Variants in RNF14 observed in about 807,000 individuals in gnomAD.
RNF14 encodes ring finger protein 14.
In RNF14, 26 loss-of-function variants were observed where a neutral mutation model predicts 52.6. The ratio of observed to expected loss-of-function variants is 0.49; its 90% CI spans 0.36 to 0.69. RNF14 has a LOEUF of 0.69. RNF14 is among the 30% of genes least tolerant of loss of function. RNF14 has a pLI of 0.00. For synonymous variants in RNF14, 194 were observed against 202.0 expected, an observed-to-expected ratio of 0.96 and a Z score of 0.34; for missense variants, 404 against 560.4, an observed-to-expected ratio of 0.72 and a Z score of 2.82.
upstream of RNF14, among the ~76,000 whole-genome samples, chr5:141,968,149 C>T (rs1328007922): frequency 3.4e-5 from 5 of 148,522 alleles, no homozygotes; most frequent in Non-Finnish European, 1.5e-5. Context: ...GACGGAGTCT[C>T]GCTGTTACCT....
the RNF14 span, among the ~76,000 whole-genome samples, chr5:141,950,166 C>T: frequency 2.0e-5 from 3 of 152,128 alleles, no homozygotes; most frequent in Admixed American, 1.3e-4. Context: ...AGGGTGCAGC[C>T]GGAGTGAGGC....
intron 5 of RNF14, 87 bp from the exon 6 acceptor site, chr5:141,980,036 G>C (rs1754628020): frequency 1.4e-5 from 14 of 1,021,268 alleles, no homozygotes; most frequent in Middle Eastern, 2.1e-4. Context: ...GTGCCCATCT[G>C]GTTTACACTA....
chr5:141,983,469 C>T lies in RNF14; in HGVS notation c.1153C>T (p.Gln385Ter). 1 of 1,613,542 alleles carries T rather than the reference C, an allele frequency of 6.2e-7. No individual in the cohort carries two copies. Among genetic ancestry groups the T allele is most frequent in the Non-Finnish European group, 8.5e-7 (1 of 1,179,912 alleles). The change falls in exon 7 of 9, where the codon CAG becomes TAG. Residue 385 changes from glutamine (Q) to a stop codon, truncating the protein, a stop_gained. Transcript: ENST00000394520. LOFTEE classifies it high-confidence loss of function. The part of the protein sequence containing the change: ...LDQRYGKRVI[Q>*]KALEEMESKE... Reference sequence around the variant, plus strand: ...TCAAAGGTATGGTAAGAGAGTGATTCAGAAGGCACTGGAAGAGATGGAAAG... The same window carrying T: ...TCAAAGGTATGGTAAGAGAGTGATTTAGAAGGCACTGGAAGAGATGGAAAG...
At chr5:141,983,660 A>G in intron 7 of RNF14, 108 bp downstream of exon 7, 2 of 908,632 alleles carry the variant, frequency 2.2e-6, no homozygotes, top group Non-Finnish European at 3.2e-6. Context: ...ACATGCTGGT[A>G]TTATTACACC....
In RNF14 at chr5:141,987,965, C is replaced by G. The variant is rs1444159735; in HGVS notation, c.*175C>G. 5.2e-6 allele frequency: 3 copies of G among 579,502 alleles called. No homozygotes were observed. The highest frequency in any genetic ancestry group is 9.1e-6 in the Non-Finnish European group (3 of 329,012). The allele number at this position is 579,502 out of a possible 1,614,324, so 35.9% of individuals were successfully genotyped here. A position where few individuals can be genotyped will look rare whatever the true frequency, so the allele number is the denominator to read the frequency against. ...TACTACTGAAGAAGGTGCATTGATACATTTTTAAATGTAAGTTGAGAAAAA... is the reference window on the plus strand; with the variant it reads ...TACTACTGAAGAAGGTGCATTGATAGATTTTTAAATGTAAGTTGAGAAAAA... On this transcript the variant is annotated 3_prime_UTR_variant, in exon 9 of 9. Coordinates refer to ENST00000394520, the MANE Select transcript of RNF14 (RefSeq NM_004290.5).
chr5:141,972,909 G>A (rs1753914701), intron 2 of RNF14, among the ~76,000 whole-genome samples: 1 of 152,112 alleles, frequency 6.6e-6, no homozygotes, highest in African/African-American at 2.4e-5. Context: ...TAAGAAAGGA[G>A]TGTAATATAC....
chr5:141,951,862 T>C, the RNF14 span, among the ~76,000 whole-genome samples: 23 of 152,346 alleles, frequency 1.5e-4, no homozygotes, highest in Middle Eastern at 3.4e-3. Context: ...TTCCTCCGAG[T>C]GTCCTGCACC....
chr5:141,957,147 C>T (rs185425542), upstream of RNF14: 13 of 1,614,106 alleles, frequency 8.1e-6, no homozygotes, highest in Non-Finnish European at 9.3e-6. The surrounding 1 kb of genome is among the most constrained non-coding windows in gnomAD (Gnocchi z 4.3). Context: ...CATTGGAGTC[C>T]AAGACGTTGA....
intron 1 of RNF14, chr5:141,958,539 C>A (rs997127047): frequency 6.6e-6 from 1 of 152,466 alleles, no homozygotes; most frequent in Non-Finnish European, 1.5e-5. Context: ...CCTATCTTTT[C>A]CCCCATTGTT....
chr5:141,959,760 CA>C (rs1298219747), intron 1 of RNF14, among the ~76,000 whole-genome samples: 1 of 152,146 alleles, frequency 6.6e-6, no homozygotes, highest in African/African-American at 2.4e-5. Context: ...TAAACCATAG[CA>C]AGGGGCCTGA....
At chr5:141,954,865 T>G, upstream of RNF14, 8 of 1,402,310 alleles carry the variant, frequency 5.7e-6, no homozygotes, top group African/African-American at 1.4e-5. Flanking sequence ...AAGTGCCAGG[T>G]GAGCCTAAGG....
upstream of RNF14, among the ~76,000 whole-genome samples, chr5:141,964,253 C>G (rs1753298885): frequency 6.6e-6 from 1 of 152,188 alleles, no homozygotes; most frequent in South Asian, 2.1e-4. Flanking sequence ...GGCTATTTCT[C>G]CTTACAGACC....
the RNF14 span, chr5:141,951,391 G>C: frequency 1.2e-6 from 1 of 858,748 alleles, no homozygotes; most frequent in Non-Finnish European, 2.0e-6. Flanking sequence ...CAGGGGACCG[G>C]TGTCTGACTT....
the RNF14 span, chr5:141,951,428 G>T: frequency 8.4e-7 from 1 of 1,184,858 alleles, no homozygotes; most frequent in Non-Finnish European, 1.3e-6. Context: ...ACTCACAGAG[G>T]CTGCAGTGAT....
At chr5:141,978,996 G>A (rs1263083477) in intron 5 of RNF14, among the ~76,000 whole-genome samples, 166 bp downstream of exon 5, 1 of 152,238 alleles carries the variant, frequency 6.6e-6, no homozygotes, top group Non-Finnish European at 1.5e-5. Context: ...TTAGTCTACT[G>A]CTTAAGCAAA....
intron 5 of RNF14, among the ~76,000 whole-genome samples, chr5:141,979,276 G>A (rs891660758): frequency 1.3e-5 from 2 of 152,022 alleles, no homozygotes; most frequent in African/African-American, 4.8e-5. Flanking sequence ...TTGAGATGGA[G>A]TCTTGCTGTG....
At chr5:141,951,648 G>T in the RNF14 span, 10 of 1,251,174 alleles carry the variant, frequency 8.0e-6, no homozygotes, top group African/African-American at 7.4e-5. Context: ...ACACTTCCTC[G>T]CCGGATGTTT....
chr5:141,949,568 G>A, the RNF14 span: 1 of 1,613,866 alleles, frequency 6.2e-7, no homozygotes, highest in Non-Finnish European at 8.5e-7. Context: ...GGCCATCTGT[G>A]TCTGGGATTG....
upstream of RNF14, among the ~76,000 whole-genome samples, chr5:141,962,313 G>C (rs985218186): frequency 2.0e-5 from 3 of 152,208 alleles, no homozygotes; most frequent in Non-Finnish European, 4.4e-5. Context: ...AAAGCTTTAT[G>C]TCTTGGTTAA....
Sources: allele counts gnomAD v4.1 joint callset (sites outside exome capture counted in the v4.1 genomes callset), GRCh38; gene constraint gnomAD v4.1.1; non-coding constraint Gnocchi (gnomAD v3.1); transcripts MANE v1.5; gene names NCBI Gene and HGNC (gene_info 2026-07-23, HGNC 2026-07-21).